DNAJB6: variants seen among roughly 807,000 people sequenced by gnomAD.
DNAJB6 encodes DnaJ heat shock protein family (Hsp40) member B6.
In DNAJB6, 16 loss-of-function variants were observed where a neutral mutation model predicts 42.7. The observed-to-expected ratio is 0.37, with a 90% CI of 0.25 to 0.57. The LOEUF is 0.57. DNAJB6 is among the 20% of genes least tolerant of loss of function. The pLI is 0.74. For synonymous variants in DNAJB6, 170 were observed against 163.5 expected (o/e 1.04, Z -0.30); for missense variants, 347 against 416.8 (o/e 0.83, Z 1.46).
At chr7:157,359,100 C>G (rs1001363893) in intron 2 of DNAJB6, among the ~76,000 whole-genome samples, 1 of 152,170 alleles carries the variant, frequency 6.6e-6, no homozygotes, top group Non-Finnish European at 1.5e-5. Context: ...TGACCAGGGC[C>G]TGGCCATTGT....
intron 5 of DNAJB6, among the ~76,000 whole-genome samples, chr7:157,370,408 C>G (rs1206431257): frequency 6.6e-6 from 1 of 152,094 alleles, no homozygotes; most frequent in Non-Finnish European, 1.5e-5. Context: ...ATTAAATGGG[C>G]CCTTTCTTAA....
chr7:157,349,184 G>A (rs1277659255), intron 1 of DNAJB6, among the ~76,000 whole-genome samples: 2 of 152,230 alleles, frequency 1.3e-5, no homozygotes, highest in East Asian at 3.9e-4. Flanking sequence ...CAACGGCCAT[G>A]TGCATATTTG....
intron 9 of DNAJB6, chr7:157,413,127 C>T (rs1344001921): frequency 6.6e-6 from 1 of 152,192 alleles, no homozygotes; most frequent in East Asian, 1.9e-4. Flanking sequence ...CCAGCGCTCG[C>T]CCTGCCTGCG....
chr7:157,370,839 T>C (rs747452434), intron 5 of DNAJB6: 1 of 152,654 alleles, frequency 6.6e-6, no homozygotes, highest in Non-Finnish European at 1.5e-5. Context: ...GGCTGCTATA[T>C]GTATGTAGTC....
At chr7:157,347,056 C>T (rs1213781626) in intron 1 of DNAJB6, among the ~76,000 whole-genome samples, 3 of 152,098 alleles carry the variant, frequency 2.0e-5, no homozygotes, top group Admixed American at 1.3e-4. Flanking sequence ...GGGGTTTCAC[C>T]GTGTTAGCTA....
At chr7:157,356,599 C>T (rs968729409) in intron 1 of DNAJB6, among the ~76,000 whole-genome samples, 4 of 152,090 alleles carry the variant, frequency 2.6e-5, no homozygotes, top group African/African-American at 7.2e-5. Flanking sequence ...TGATTATTTC[C>T]AAATGGAGTG....
chr7:157,414,266 C>G (rs992952425), intron 9 of DNAJB6: 1 of 152,354 alleles, frequency 6.6e-6, no homozygotes, highest in African/African-American at 2.4e-5. Flanking sequence ...CGGTGCTGAC[C>G]CCCCCACCCC....
chr7:157,402,657 G>A (rs61369967), intron 8 of DNAJB6, among the ~76,000 whole-genome samples: 2 of 152,232 alleles, frequency 1.3e-5, no homozygotes, highest in African/African-American at 2.4e-5. Context: ...AAGTAGCGAT[G>A]TGTCTTGGGG....
chr7:157,388,630 A>G (rs1362729294), intron 8 of DNAJB6, among the ~76,000 whole-genome samples: 1 of 142,614 alleles, frequency 7.0e-6, no homozygotes, highest in Non-Finnish European at 1.5e-5. Context: ...AAATACTTCA[A>G]TAGCTTTTGG....
intron 1 of DNAJB6, among the ~76,000 whole-genome samples, chr7:157,339,601 T>TGTGTGTGTGTGTGTG (rs1798241718): frequency 8.2e-6 from 1 of 122,326 alleles, no homozygotes; most frequent in African/African-American, 3.1e-5. Flanking sequence ...GCCCGGCCTT[T>TGTGTGTGTGTGTGTG]TGTGTGTGTG....
At chr7:157,377,785 A>G (rs888727244) in intron 5 of DNAJB6, among the ~76,000 whole-genome samples, 2 of 152,228 alleles carry the variant, frequency 1.3e-5, no homozygotes, top group African/African-American at 4.8e-5. Context: ...TAACCTGAAC[A>G]TGAAATCAAC....
intron 1 of DNAJB6, among the ~76,000 whole-genome samples, chr7:157,341,015 A>G (rs1327715434): frequency 1.1e-5 from 1 of 94,970 alleles, no homozygotes; most frequent in African/African-American, 3.6e-5. Context: ...CGCAGGTGGA[A>G]TCACCCTGTG....
At chr7:157,406,703 C>G (rs533535742) in intron 8 of DNAJB6, among the ~76,000 whole-genome samples, 2 of 152,182 alleles carry the variant, frequency 1.3e-5, no homozygotes, top group African/African-American at 4.8e-5. Context: ...GCCAGCTCAG[C>G]GGCCCGGGGT....
chr7:157,369,377 G>T (rs896908709), intron 5 of DNAJB6: 17 of 456,576 alleles, frequency 3.7e-5, no homozygotes, highest in African/African-American at 3.4e-4. Flanking sequence ...CAGTGTTTGG[G>T]TTGAAGTCCT....
chr7:157,388,512 G>A (rs1034695623), intron 8 of DNAJB6, among the ~76,000 whole-genome samples: 1 of 152,170 alleles, frequency 6.6e-6, no homozygotes, highest in Non-Finnish European at 1.5e-5. Context: ...ACAGCCCCAT[G>A]TGGTCCCATC....
intron 1 of DNAJB6, among the ~76,000 whole-genome samples, chr7:157,338,996 C>T (rs962996266): frequency 2.6e-5 from 4 of 152,168 alleles, no homozygotes; most frequent in East Asian, 1.9e-4. Flanking sequence ...TTATTTTCTT[C>T]TGGATATGAA....
At chr7:157,374,444 A>G (rs1483927256) in intron 5 of DNAJB6, among the ~76,000 whole-genome samples, 1 of 151,972 alleles carries the variant, frequency 6.6e-6, no homozygotes, top group Non-Finnish European at 1.5e-5. Flanking sequence ...TTTTTATGAG[A>G]GACAGGGTTT....
chr7:157,341,535 C>T (rs558358172), intron 1 of DNAJB6, among the ~76,000 whole-genome samples: 11 of 152,264 alleles, frequency 7.2e-5, no homozygotes, highest in Non-Finnish European at 1.5e-4. Context: ...TTACCTTTTG[C>T]CACCAAAGGC....
At chr7:157,390,809 G>GCATT (rs1801304616) in intron 8 of DNAJB6, among the ~76,000 whole-genome samples, 1 of 152,150 alleles carries the variant, frequency 6.6e-6, no homozygotes, top group African/African-American at 2.4e-5. Context: ...CCTGGAGCAT[G>GCATT]CATTCATTCA....
Sources: allele counts gnomAD v4.1 joint callset (sites outside exome capture counted in the v4.1 genomes callset), GRCh38; gene constraint gnomAD v4.1.1; transcripts MANE v1.5; gene names NCBI Gene and HGNC (gene_info 2026-07-23, HGNC 2026-07-21).